The following KCTD8 variants were observed in gnomAD, a reference collection of about 807,000 sequenced individuals.
KCTD8 encodes BTB/POZ domain-containing protein KCTD8.
In KCTD8, 27 loss-of-function variants were observed where a neutral mutation model predicts 31.5. The observed-to-expected ratio is 0.86, with a 90% CI of 0.63 to 1.18. The LOEUF is 1.18. Among genes scored for constraint, KCTD8 ranks in the 50% most tolerant of loss-of-function variants. The pLI, the probability that KCTD8 is intolerant of heterozygous loss-of-function variation, is 0.00. For missense variants in KCTD8, 658 were observed against 647.7 expected (o/e 1.02, Z -0.17); for synonymous variants, 290 against 280.0 (o/e 1.04, Z -0.36).
At chr4:44,412,830 T>C (rs1210662051) in intron 1 of KCTD8, among the ~76,000 whole-genome samples, 1 of 152,204 alleles carries the variant, frequency 6.6e-6, no homozygotes, top group Non-Finnish European at 1.5e-5. Flanking sequence ...AATTATTCAA[T>C]ATGATTGGGC....
intron 1 of KCTD8, among the ~76,000 whole-genome samples, chr4:44,309,750 T>C (rs988266171): frequency 7.2e-5 from 11 of 152,132 alleles, no homozygotes; most frequent in Non-Finnish European, 1.6e-4. Context: ...AAAATATTTT[T>C]GAGAATTTTG....
chr4:44,183,320 G>C (rs1332128197), intron 1 of KCTD8, among the ~76,000 whole-genome samples: 1 of 152,136 alleles, frequency 6.6e-6, no homozygotes, highest in Non-Finnish European at 1.5e-5. Flanking sequence ...ATGTAGATTT[G>C]AGAGGCTATG....
At chr4:44,434,930 T>C (rs1013276724) in intron 1 of KCTD8, among the ~76,000 whole-genome samples, 4 of 151,914 alleles carry the variant, frequency 2.6e-5, no homozygotes, top group Admixed American at 6.6e-5. Context: ...TTTATTACAA[T>C]TTACAGGCAT....
intron 1 of KCTD8, among the ~76,000 whole-genome samples, chr4:44,409,089 C>A (rs562319071): frequency 6.6e-6 from 1 of 151,452 alleles, no homozygotes; most frequent in South Asian, 2.1e-4. Flanking sequence ...CAAAAAAATC[C>A]AAAATTAGCA....
chr4:44,284,826 C>A (rs754401197), intron 1 of KCTD8, among the ~76,000 whole-genome samples: 1 of 152,150 alleles, frequency 6.6e-6, no homozygotes, highest in South Asian at 2.1e-4. Flanking sequence ...TGAACAGACA[C>A]TTCTCAAAAG....
intron 1 of KCTD8, among the ~76,000 whole-genome samples, chr4:44,348,395 C>G (rs1455152623): frequency 6.6e-6 from 1 of 152,000 alleles, no homozygotes; most frequent in Non-Finnish European, 1.5e-5. Context: ...ATGCTTAGTG[C>G]CATTTGTTTC....
intron 1 of KCTD8, among the ~76,000 whole-genome samples, chr4:44,435,353 T>C (rs1189033055): frequency 6.6e-6 from 1 of 152,094 alleles, no homozygotes; most frequent in Admixed American, 6.6e-5. Context: ...TCTCTAATCC[T>C]TGCCAGAATC....
At chr4:44,391,280 T>C (rs528718964) in intron 1 of KCTD8, among the ~76,000 whole-genome samples, 1 of 151,982 alleles carries the variant, frequency 6.6e-6, no homozygotes, top group Admixed American at 6.6e-5. Flanking sequence ...CTAAATAACT[T>C]ATTAATGTAA....
intron 1 of KCTD8, among the ~76,000 whole-genome samples, chr4:44,252,400 C>T (rs1203622251): frequency 4.0e-5 from 6 of 151,734 alleles, no homozygotes; most frequent in Admixed American, 6.6e-5. Flanking sequence ...CTGGATCAAA[C>T]GGTAATTCTA....
intron 1 of KCTD8, among the ~76,000 whole-genome samples, chr4:44,200,203 T>C (rs1253894401): frequency 6.6e-6 from 1 of 151,420 alleles, no homozygotes; most frequent in African/African-American, 2.4e-5. Flanking sequence ...GGACAAGATG[T>C]ATTTACAGCC....
At chr4:44,300,647 A>T (rs377747945) in intron 1 of KCTD8, among the ~76,000 whole-genome samples, 5 of 152,054 alleles carry the variant, frequency 3.3e-5, no homozygotes, top group African/African-American at 1.2e-4. Context: ...CTAGAAAAAT[A>T]AACTTATGGT....
intron 1 of KCTD8, among the ~76,000 whole-genome samples, chr4:44,361,276 T>C (rs1719488613): frequency 6.6e-6 from 1 of 152,054 alleles, no homozygotes; most frequent in African/African-American, 2.4e-5. Context: ...CCTTAAAGTA[T>C]GGAAAATATA....
chr4:44,260,842 A>C (rs1274527992), intron 1 of KCTD8, among the ~76,000 whole-genome samples: 1 of 151,970 alleles, frequency 6.6e-6, no homozygotes, highest in African/African-American at 2.4e-5. Context: ...GTTAAGAGCA[A>C]GGGAGTGGTA....
At chr4:44,442,939 G>A (rs2109485535) in intron 1 of KCTD8, among the ~76,000 whole-genome samples, 1 of 152,210 alleles carries the variant, frequency 6.6e-6, no homozygotes, top group East Asian at 1.9e-4. Flanking sequence ...GAAAGCCAAA[G>A]CCATAGCAAT....
chr4:44,444,062 T>G (rs756890272), intron 1 of KCTD8, among the ~76,000 whole-genome samples: 18 of 152,102 alleles, frequency 1.2e-4, no homozygotes, highest in Non-Finnish European at 2.4e-4. Flanking sequence ...TGATAAACAA[T>G]GAGTTAAGAC....
chr4:44,231,261 G>A (rs1237129113), intron 1 of KCTD8, among the ~76,000 whole-genome samples: 2 of 152,006 alleles, frequency 1.3e-5, no homozygotes, highest in Non-Finnish European at 2.9e-5. Flanking sequence ...TGATTTTCAG[G>A]TCTTTTTATA....
intron 1 of KCTD8, among the ~76,000 whole-genome samples, chr4:44,200,018 T>G (rs1172241354): frequency 6.7e-6 from 1 of 149,664 alleles, no homozygotes; most frequent in African/African-American, 2.6e-5. Flanking sequence ...GAAAGGGTAC[T>G]GTAAACACCT....
chr4:44,446,474 G>T lies in KCTD8; in HGVS notation c.961+1089C>A, dbSNP rs566005869. ...TTTCGTTTGTCCAAATCGCTCTCTA[G>T]TCGTTGTCTTTTCACTTCATAAACG... On this transcript the variant is annotated intron_variant, in intron 1 of 1. Coordinates refer to ENST00000360029, the MANE Select transcript of KCTD8 (RefSeq NM_198353.3). Among the ~76,000 whole-genome samples, 8 of 152,152 alleles carry T rather than the reference G, an allele frequency of 5.3e-5. No homozygotes were observed. In the South Asian group the frequency reaches 1.7e-3, roughly 32 times the overall value.
At chr4:44,437,956 C>T (rs1010334223) in intron 1 of KCTD8, among the ~76,000 whole-genome samples, 1 of 152,052 alleles carries the variant, frequency 6.6e-6, no homozygotes, top group Non-Finnish European at 1.5e-5. Context: ...CAATAATTTG[C>T]GACCACCACA....
Sources: gnomAD v4.1 joint callset for allele counts (sites outside exome capture counted in the v4.1 genomes callset) on GRCh38, gnomAD v4.1.1 for gene constraint, MANE v1.5 for transcripts, NCBI Gene and HGNC (gene_info 2026-07-23, HGNC 2026-07-21) for gene names.